ADK: variants seen among roughly 807,000 people sequenced by gnomAD.
ADK encodes the protein N6,N6-dimethyladenosine kinase.
Under a neutral mutation model 44.7 loss-of-function variants are expected in ADK, and 24 were observed. The ratio of observed to expected loss-of-function variants is 0.54; its 90% CI spans 0.39 to 0.76. ADK has a LOEUF of 0.76. ADK is among the 30% of genes least tolerant of loss of function. ADK has a pLI of 0.00. For synonymous variants in ADK, 128 were observed against 142.6 expected (o/e 0.90, Z 0.73); for missense variants, 321 against 425.1 (o/e 0.76, Z 2.15).
chr10:74,549,689 G>A (rs138453444), intron 7 of ADK, among the ~76,000 whole-genome samples: 26 of 152,126 alleles, frequency 1.7e-4, no homozygotes, highest in African/African-American at 4.6e-4. Context: ...CGCCTACCTC[G>A]GCCTCCCAAG....
intron 7 of ADK, among the ~76,000 whole-genome samples, chr10:74,541,800 C>G (rs1329068165): frequency 7.4e-6 from 1 of 134,568 alleles, no homozygotes; most frequent in African/African-American, 2.8e-5. Context: ...ACACACCCCC[C>G]CCCCCTAAAA....
chr10:74,603,660 A>G (rs1006555124), intron 9 of ADK, among the ~76,000 whole-genome samples: 3 of 152,126 alleles, frequency 2.0e-5, no homozygotes, highest in African/African-American at 7.2e-5. Flanking sequence ...TCTATCATTG[A>G]TGGGCATTTG....
intron 4 of ADK, among the ~76,000 whole-genome samples, chr10:74,333,139 T>G (rs1156721165): frequency 6.6e-6 from 1 of 152,190 alleles, no homozygotes; most frequent in African/African-American, 2.4e-5. Context: ...ATTGAAATCG[T>G]CTATTTTTTC....
chr10:74,312,115 G>A (rs138075369), intron 3 of ADK, among the ~76,000 whole-genome samples: 2,555 of 152,166 alleles, frequency 0.017, 81 homozygotes, highest in African/African-American at 0.058. Context: ...GCAGTGAGCC[G>A]AGATCGCGCC....
intron 6 of ADK, among the ~76,000 whole-genome samples, chr10:74,454,642 C>T (rs1037731407): frequency 6.6e-6 from 1 of 151,988 alleles, no homozygotes; most frequent in Non-Finnish European, 1.5e-5. Flanking sequence ...GCCTCTATAA[C>T]AAAAACAGAT....
chr10:74,269,481 A>G (rs1477595338), intron 3 of ADK, among the ~76,000 whole-genome samples: 2 of 152,334 alleles, frequency 1.3e-5, no homozygotes, highest in East Asian at 1.9e-4. Context: ...ACCATATTTT[A>G]TAGACACAAA....
chr10:74,644,702 T>A (rs886443560), intron 9 of ADK, among the ~76,000 whole-genome samples: 1 of 152,100 alleles, frequency 6.6e-6, no homozygotes, highest in African/African-American at 2.4e-5. Flanking sequence ...GCTAATTTTT[T>A]AATTTTTTTG....
chr10:74,525,996 A>C (rs1849025308), intron 7 of ADK, among the ~76,000 whole-genome samples: 1 of 152,104 alleles, frequency 6.6e-6, no homozygotes. Flanking sequence ...TGATTTACTT[A>C]TAGTAAGAGT....
chr10:74,471,821 T>C (rs1324472712), intron 6 of ADK, among the ~76,000 whole-genome samples: 4 of 152,208 alleles, frequency 2.6e-5, no homozygotes, highest in South Asian at 2.1e-4. Context: ...GTTAGTATTT[T>C]CAAACACAAT....
chr10:74,329,515 T>C (rs1249253187), intron 4 of ADK, among the ~76,000 whole-genome samples: 3 of 152,212 alleles, frequency 2.0e-5, no homozygotes, highest in Non-Finnish European at 4.4e-5. Context: ...CACCTATCTA[T>C]TAACCAGAAT....
At chr10:74,428,400 T>A (rs1844873360) in intron 6 of ADK, among the ~76,000 whole-genome samples, 1 of 152,210 alleles carries the variant, frequency 6.6e-6, no homozygotes, top group Non-Finnish European at 1.5e-5. Flanking sequence ...GATAAGTTGT[T>A]TGTTAAGTAT....
Position 74,532,674 on chromosome 10 carries a change from G to C in ADK, c.726+7248G>C, listed in dbSNP as rs370414493. Among the ~76,000 whole-genome samples the C allele has an allele frequency of 2.6e-5, 4 of 152,192 alleles. No individual in the cohort carries two copies. The East Asian group carries it at 7.7e-4, about 29-fold the overall frequency. On this transcript the variant is annotated intron_variant, in intron 7 of 10. Transcript: ENST00000539909. The stretch of plus-strand genomic sequence containing the variant: ...CCAGCACTTTGGGAGGCCGAGGCTG[G>C]TGGATCATTTGAGGTCAAGAGTTCT...
At chr10:74,648,966 C>T (rs1161267804) in intron 9 of ADK, among the ~76,000 whole-genome samples, 3 of 151,814 alleles carry the variant, frequency 2.0e-5, no homozygotes, top group East Asian at 2.0e-4. Flanking sequence ...CGGATTACGA[C>T]GTCAGGAGAT....
intron 4 of ADK, among the ~76,000 whole-genome samples, chr10:74,393,296 C>T (rs1843400082): frequency 6.6e-6 from 1 of 152,014 alleles, no homozygotes; most frequent in Non-Finnish European, 1.5e-5. Flanking sequence ...CAGGTGTTAC[C>T]TATAGAATCA....
At chr10:74,644,568 C>T (rs1853992322) in intron 9 of ADK, among the ~76,000 whole-genome samples, 1 of 152,184 alleles carries the variant, frequency 6.6e-6, no homozygotes, top group Non-Finnish European at 1.5e-5. Context: ...GGGTCTTGCT[C>T]TGCCACCCAG....
At chr10:74,595,395 G>A (rs375595836) in intron 8 of ADK, among the ~76,000 whole-genome samples, 88,002 of 91,628 alleles carry the variant, frequency 0.96, 42,211 homozygotes, top group Non-Finnish European at 0.99. Flanking sequence ...TTTTTTTTGG[G>A]GAGGGGGTTT....
At chr10:74,687,581 T>C (rs943753804) in intron 10 of ADK, among the ~76,000 whole-genome samples, 3 of 152,222 alleles carry the variant, frequency 2.0e-5, no homozygotes, top group Admixed American at 2.0e-4. Flanking sequence ...ACATTGTGTT[T>C]GCATGCCTTG....
At chr10:74,406,559 G>T (rs1285893311) in intron 6 of ADK, among the ~76,000 whole-genome samples, 158 of 148,674 alleles carry the variant, frequency 1.1e-3, no homozygotes, top group African/African-American at 3.8e-3. Flanking sequence ...AGAAGAAGAA[G>T]AAGAAGAAGC....
At chr10:74,285,773 A>G (rs943511283) in intron 3 of ADK, among the ~76,000 whole-genome samples, 1 of 152,220 alleles carries the variant, frequency 6.6e-6, no homozygotes, top group Admixed American at 6.5e-5. Context: ...GTGGGATTAA[A>G]GAGGAGAGAG....
Sources: allele counts gnomAD v4.1 joint callset (sites outside exome capture counted in the v4.1 genomes callset), GRCh38; gene constraint gnomAD v4.1.1; transcripts MANE v1.5; gene names NCBI Gene and HGNC (gene_info 2026-07-23, HGNC 2026-07-21).